Variants in DCLK2 observed in about 807,000 individuals in gnomAD.
DCLK2 encodes doublecortin like kinase 2.
A neutral mutation model predicts 78.4 loss-of-function variants in DCLK2; 31 were observed. The ratio of observed to expected loss-of-function variants is 0.40; its 90% CI spans 0.30 to 0.53. The LOEUF (loss-of-function observed/expected upper bound fraction) is 0.53. Among genes scored for constraint, DCLK2 ranks in the 20% least tolerant of loss-of-function variants. The pLI, the probability that DCLK2 is intolerant of heterozygous loss-of-function variation, is 0.61. For synonymous variants in DCLK2, 407 were observed against 374.9 expected (o/e 1.09, Z -0.99); for missense variants, 872 against 973.7 (o/e 0.90, Z 1.39).
chr4:150,155,081 A>G (rs527732929), intron 2 of DCLK2, among the ~76,000 whole-genome samples: 7 of 152,274 alleles, frequency 4.6e-5, no homozygotes, highest in African/African-American at 1.7e-4. Flanking sequence ...AAATAAAAAA[A>G]ATTAGCTGGG....
At chr4:150,230,590 C>G (rs1336504104) in intron 8 of DCLK2, among the ~76,000 whole-genome samples, 1 of 152,236 alleles carries the variant, frequency 6.6e-6, no homozygotes, top group Non-Finnish European at 1.5e-5. Flanking sequence ...CTTGCTTATA[C>G]ATGTTCACAA....
intron 15 of DCLK2, among the ~76,000 whole-genome samples, chr4:150,251,607 C>T (rs560356564): frequency 4.2e-5 from 2 of 47,394 alleles, no homozygotes; most frequent in East Asian, 1.3e-3. Context: ...ACCCCACACC[C>T]GAACACACCC....
chr4:150,198,225 CAG>C (rs1340713820), intron 4 of DCLK2, 122 bp downstream of exon 4: 8 of 781,054 alleles, frequency 1.0e-5, no homozygotes, highest in Non-Finnish European at 1.5e-5. Context: ...TCCAGAAAAA[CAG>C]AGATGATGTG....
chr4:150,246,196 C>T (rs968583883), intron 12 of DCLK2, among the ~76,000 whole-genome samples: 1 of 152,096 alleles, frequency 6.6e-6, no homozygotes, highest in Non-Finnish European at 1.5e-5. Context: ...AGGTGCGCAC[C>T]ACCATGCCTG....
intron 1 of DCLK2, among the ~76,000 whole-genome samples, chr4:150,082,563 A>G (rs896900365): frequency 6.6e-6 from 1 of 152,206 alleles, no homozygotes; most frequent in Non-Finnish European, 1.5e-5. Flanking sequence ...CAATTTATTG[A>G]TTTATCCATC....
chr4:150,221,397 T>G (rs1485525551), intron 6 of DCLK2, among the ~76,000 whole-genome samples: 1 of 152,122 alleles, frequency 6.6e-6, no homozygotes, highest in Non-Finnish European at 1.5e-5. Context: ...TGGATAAGTT[T>G]TAGTGAAATA....
intron 2 of DCLK2, among the ~76,000 whole-genome samples, chr4:150,184,989 C>CT (rs916276596): frequency 5.9e-5 from 9 of 152,016 alleles, no homozygotes; most frequent in East Asian, 1.9e-4. Flanking sequence ...TGTGTGTCCT[C>CT]TTTTTTTTGT....
intron 2 of DCLK2, among the ~76,000 whole-genome samples, chr4:150,172,042 T>A (rs75385776): frequency 0.012 from 1,894 of 152,310 alleles, 44 homozygotes; most frequent in African/African-American, 0.043. Flanking sequence ...AGATTGTCAG[T>A]TTGTTCAAGC....
At chr4:150,255,328 G>C (rs1425724041) in intron 15 of DCLK2, among the ~76,000 whole-genome samples, 1 of 152,246 alleles carries the variant, frequency 6.6e-6, no homozygotes, top group Non-Finnish European at 1.5e-5. Flanking sequence ...GAAGGAGAAA[G>C]CAGGACCGGG....
At chr4:150,133,073 A>G (rs1468168786) in intron 2 of DCLK2, among the ~76,000 whole-genome samples, 2 of 152,242 alleles carry the variant, frequency 1.3e-5, no homozygotes, top group Non-Finnish European at 2.9e-5. Flanking sequence ...AAGCTTCACT[A>G]ACATGTATTT....
rs552341869 is a variant in DCLK2 at position 150,164,018 on chromosome 4, G to T, written c.757-29120G>T. 6.6e-5 allele frequency among the ~76,000 whole-genome samples: 10 copies of T among 152,300 alleles called. No homozygotes were observed. In the East Asian group the frequency reaches 1.2e-3, roughly 18 times the overall value. ...TCTCAAACTCCTGGCCCATCCTCCT[G>T]CCTTGGCCTCTGAAAGTGCTGGAAT... On this transcript the variant is annotated intron_variant, in intron 2 of 15. Transcript: ENST00000296550.
chr4:150,140,837 T>C (rs1055328158), intron 2 of DCLK2, among the ~76,000 whole-genome samples: 32 of 152,260 alleles, frequency 2.1e-4, no homozygotes, highest in African/African-American at 7.0e-4. Flanking sequence ...TACTAGATTA[T>C]AACTAACTGT....
intron 8 of DCLK2, among the ~76,000 whole-genome samples, chr4:150,230,753 G>A (rs1427274308): frequency 6.6e-6 from 1 of 152,206 alleles, no homozygotes; most frequent in African/African-American, 2.4e-5. Flanking sequence ...CTTCCCAAGG[G>A]AGGAAACGGG....
intron 2 of DCLK2, among the ~76,000 whole-genome samples, chr4:150,160,150 G>A (rs1735600845): frequency 1.3e-5 from 2 of 151,940 alleles, no homozygotes; most frequent in South Asian, 4.2e-4. Context: ...TAAGTAGCTG[G>A]GACTACAGAC....
intron 1 of DCLK2, among the ~76,000 whole-genome samples, chr4:150,091,237 G>A (rs974748424): frequency 3.3e-5 from 5 of 152,150 alleles, no homozygotes; most frequent in Middle Eastern, 3.2e-3. Context: ...GAAGGGTATC[G>A]AATCATCTTG....
chr4:150,244,318 T>C (rs2126613202), intron 12 of DCLK2, among the ~76,000 whole-genome samples: 1 of 152,260 alleles, frequency 6.6e-6, no homozygotes, highest in East Asian at 1.9e-4. Flanking sequence ...AAATTTTAGT[T>C]GTTGTCTAAG....
intron 15 of DCLK2, among the ~76,000 whole-genome samples, chr4:150,252,329 A>G (rs1439621775): frequency 6.6e-6 from 1 of 152,242 alleles, no homozygotes; most frequent in East Asian, 1.9e-4. Flanking sequence ...AAACCTTAAG[A>G]AGAGAGATTG....
At chr4:150,141,080 G>A (rs1734072013) in intron 2 of DCLK2, among the ~76,000 whole-genome samples, 1 of 152,150 alleles carries the variant, frequency 6.6e-6, no homozygotes, top group Admixed American at 6.5e-5. Flanking sequence ...GGGTGTTCTT[G>A]TTTTAGGGTG....
intron 1 of DCLK2, among the ~76,000 whole-genome samples, chr4:150,089,683 C>T (rs1007498825): frequency 6.6e-6 from 1 of 152,186 alleles, no homozygotes; most frequent in Non-Finnish European, 1.5e-5. Context: ...ATTAGGTATG[C>T]TTATGTATAT....
Sources: allele counts gnomAD v4.1 joint callset (sites outside exome capture counted in the v4.1 genomes callset), GRCh38; gene constraint gnomAD v4.1.1; transcripts MANE v1.5; gene names NCBI Gene and HGNC (gene_info 2026-07-23, HGNC 2026-07-21).